Variants in CCDC85C observed in about 807,000 individuals in gnomAD.
CCDC85C encodes the protein coiled-coil domain containing 85C, also known as coiled-coil domain-containing protein 85C.
CCDC85C carries 18 observed loss-of-function variants against 38.3 expected under a neutral mutation model. The ratio of observed to expected loss-of-function variants is 0.47; its 90% CI spans 0.33 to 0.70. The LOEUF (loss-of-function observed/expected upper bound fraction) is 0.70. Ranked by LOEUF, CCDC85C falls within the 30% of genes least tolerant of loss-of-function variation. The probability of loss-of-function intolerance (pLI) is 0.03; values close to 1 mark genes in which losing one functional copy is unlikely to be tolerated. For synonymous variants in CCDC85C, 264 were observed against 293.8 expected, an observed-to-expected ratio of 0.90 and a Z score of 1.04; for missense variants, 566 against 621.2, an observed-to-expected ratio of 0.91 and a Z score of 0.94.
chr14:99,526,566 TCC>T (rs1897388620), intron 2 of CCDC85C, among the ~76,000 whole-genome samples: 2 of 151,860 alleles, frequency 1.3e-5, no homozygotes, highest in South Asian at 2.1e-4. Context: ...GACCACCCCG[TCC>T]CCAAGACCTG....
chr14:99,500,578 G>T lies in CCDC85C; in HGVS notation c.*14668C>A. The T allele has an allele frequency of 1.8e-6, 1 of 555,146 alleles. No individual in the cohort carries two copies. Among genetic ancestry groups the T allele is most frequent in the Non-Finnish European group, 3.2e-6 (1 of 314,620 alleles). 34.4% of individuals were successfully genotyped at this position (555,146 alleles called of 1,614,324 possible). ...ACACCTCTGCTTTGTCTTCCTGTTT[G>T]AGATCTTTTCAGAATTTATCAGTGT... On this transcript the variant is annotated 3_prime_UTR_variant, in exon 6 of 6. Coordinates refer to ENST00000380243, the MANE Select transcript of CCDC85C (RefSeq NM_001144995.2).
chr14:99,591,570 G>C (rs1043135437), intron 1 of CCDC85C, among the ~76,000 whole-genome samples: 1 of 128,712 alleles, frequency 7.8e-6, no homozygotes, highest in African/African-American at 3.8e-5. Flanking sequence ...AGGCAGGACG[G>C]GGGGGCCACC....
Position 99,508,826 on chromosome 14 carries a change from TGGA to T in CCDC85C, c.*6417_*6419del, listed in dbSNP as rs1336966874. 6.6e-6 allele frequency: 1 copy of T among 152,518 alleles called. No individual in the cohort carries two copies. The highest frequency in any genetic ancestry group is 1.5e-5 in the Non-Finnish European group (1 of 68,344). 9.4% of individuals were successfully genotyped at this position (152,518 alleles called of 1,614,324 possible). On this transcript the variant is annotated 3_prime_UTR_variant, in exon 6 of 6. Coordinates refer to ENST00000380243, the MANE Select transcript of CCDC85C (RefSeq NM_001144995.2). ...GTTGGAAAAGTTGATTTCTGCAAGG[TGGA>T]GGAGCAGGCCTGTGGGCCCAGGTGG...
Position 99,504,217 on chromosome 14 carries a change from G to T in CCDC85C, c.*11029C>A, listed in dbSNP as rs1468054814. The T allele has an allele frequency of 1.4e-5, 3 of 214,608 alleles. No homozygotes were observed. The highest frequency in any genetic ancestry group is 1.3e-4 in the South Asian group (3 of 22,330). 13.3% of individuals were successfully genotyped at this position (214,608 alleles called of 1,614,324 possible). A position where few individuals can be genotyped will look rare whatever the true frequency, so the allele number is the denominator to read the frequency against. On this transcript the variant is annotated 3_prime_UTR_variant, in exon 6 of 6. Coordinates refer to ENST00000380243, the MANE Select transcript of CCDC85C (RefSeq NM_001144995.2). ...CAAAACAGAAAGTTAGAAATGTTTT[G>T]TCACAGGGTCAGTCCACCTATCATA... is the stretch of plus-strand genomic sequence containing the variant.
chr14:99,585,228 G>T (rs1199027771), intron 1 of CCDC85C, among the ~76,000 whole-genome samples: 1 of 152,196 alleles, frequency 6.6e-6, no homozygotes, highest in African/African-American at 2.4e-5. Flanking sequence ...AGACTCTCTG[G>T]GTGCTGGGGT....
At chr14:99,517,378 C>G (rs917362560) in intron 3 of CCDC85C, among the ~76,000 whole-genome samples, 195 bp from the exon 4 acceptor site, 1 of 152,148 alleles carries the variant, frequency 6.6e-6, no homozygotes, top group Non-Finnish European at 1.5e-5. Flanking sequence ...TCCCGCCCAC[C>G]AGGTCTTCTG....
At chr14:99,519,099 C>CTTTTTTTTTTTTTTTTTT (rs59524541) in intron 3 of CCDC85C, among the ~76,000 whole-genome samples, 1 of 52,218 alleles carries the variant, frequency 1.9e-5, no homozygotes, top group African/African-American at 8.3e-5. Flanking sequence ...TCATACATGC[C>CTTTTTTTTTTTTTTTTTT]TTTTTTTTTT....
chr14:99,527,396 A>G (rs1897405921), intron 2 of CCDC85C, among the ~76,000 whole-genome samples: 1 of 151,940 alleles, frequency 6.6e-6, no homozygotes. Context: ...GGGGTGGAAG[A>G]CCCCCGGAGG....
Position 99,520,823 on chromosome 14 carries a change from G to A in CCDC85C, c.975+1310C>T, listed in dbSNP as rs1023620826. 2.6e-5 allele frequency among the ~76,000 whole-genome samples: 4 copies of A among 152,228 alleles called. No homozygotes were observed. ...AGTAGGGGACACCCCTTCATGCACA[G>A]AGCAGTCTAGAGGAAAAAAGGAGGC... On this transcript the variant is annotated intron_variant, in intron 3 of 5. Transcript: ENST00000380243. The surrounding 1 kb of genome is among the most constrained non-coding windows in gnomAD (Gnocchi z 4.1).
At chr14:99,532,214 C>A (rs1021206481) in intron 2 of CCDC85C, among the ~76,000 whole-genome samples, 1 of 152,234 alleles carries the variant, frequency 6.6e-6, no homozygotes, top group Admixed American at 6.5e-5. Context: ...GAGCTCAGGG[C>A]AAGCACCAGG....
intron 1 of CCDC85C, among the ~76,000 whole-genome samples, chr14:99,591,608 A>G (rs8009472): frequency 0.98 from 149,733 of 152,306 alleles, 73,657 homozygotes; most frequent in Middle Eastern, 1. Context: ...CCTTCTGCAC[A>G]GCAAGTGGTC....
rs1896956212 is a variant in CCDC85C at position 99,505,685 on chromosome 14, A to G, written c.*9561T>C. 1 of 152,104 alleles carries G rather than the reference A, an allele frequency of 6.6e-6. No individual in the cohort carries two copies. The highest frequency in any genetic ancestry group is 6.5e-5 in the Admixed American group (1 of 15,268). 9.4% of individuals were successfully genotyped at this position (152,104 alleles called of 1,614,324 possible). A position where few individuals can be genotyped will look rare whatever the true frequency, so the allele number is the denominator to read the frequency against. ...AGACTGGGCCACATAGGGTGACCCC[A>G]TCACTACACAAAACTTAAAAATCAG... On this transcript the variant is annotated 3_prime_UTR_variant, in exon 6 of 6. Coordinates refer to ENST00000380243, the MANE Select transcript of CCDC85C (RefSeq NM_001144995.2).
chr14:99,535,342 C>A lies in CCDC85C; in HGVS notation c.867+673G>T, dbSNP rs1897574485. Reference sequence around the variant, plus strand: ...GCGAGCGGCTTGAGAGGTCGCCAAGCCAGCTGGCCCCCAACACCCAAGCGT... The same window carrying A: ...GCGAGCGGCTTGAGAGGTCGCCAAGACAGCTGGCCCCCAACACCCAAGCGT... On this transcript the variant is annotated intron_variant, in intron 2 of 5. Transcript: ENST00000380243. The surrounding 1 kb of genome is among the most constrained non-coding windows in gnomAD (Gnocchi z 5.5). Among the ~76,000 whole-genome samples the A allele has an allele frequency of 6.6e-6, 1 of 152,164 alleles. No homozygotes were observed. Among genetic ancestry groups the A allele is most frequent in the South Asian group, 2.1e-4 (1 of 4,834 alleles).
At position 99,511,012 on chromosome 14, in the gene CCDC85C, A is replaced by C. The variant is rs1211655638; in HGVS notation, c.*4234T>G. The stretch of plus-strand genomic sequence containing the variant: ...GTGCCCTTGCAGTCTGACTGTGTAC[A>C]CTTGGTTCAGCTAATGTCTGAGAGT... On this transcript the variant is annotated 3_prime_UTR_variant, in exon 6 of 6. Transcript: ENST00000380243. 2 of 367,220 alleles carry C rather than the reference A, an allele frequency of 5.4e-6. No homozygotes were observed. The highest frequency in any genetic ancestry group is 1.4e-4 in the South Asian group (1 of 7,306). 22.7% of individuals were successfully genotyped at this position (367,220 alleles called of 1,614,324 possible). A position where few individuals can be genotyped will look rare whatever the true frequency, so the allele number is the denominator to read the frequency against.
At position 99,544,733 on chromosome 14, in the gene CCDC85C, A is replaced by T. The variant is rs1897775974; in HGVS notation, c.794-8645T>A. ...CCGAGACCTCGCCTCCAAGGGCACC[A>T]GATAAGCGCCCAGCCCCAGATGTGA... On this transcript the variant is annotated intron_variant, in intron 1 of 5. Transcript: ENST00000380243. This position sits in a 1 kb window ranked among gnomAD's most constrained non-coding sequence, Gnocchi z 5.3. Among the ~76,000 whole-genome samples, 1 of 152,028 alleles carries T rather than the reference A, an allele frequency of 6.6e-6. No homozygotes were observed. The highest frequency in any genetic ancestry group is 1.5e-5 in the Non-Finnish European group (1 of 68,004).
intron 5 of CCDC85C, among the ~76,000 whole-genome samples, chr14:99,515,900 G>A (rs751535623): frequency 2.0e-5 from 3 of 151,896 alleles, no homozygotes; most frequent in East Asian, 1.9e-4. Flanking sequence ...AACCAGTCCC[G>A]GGGGGGTGGG....
chr14:99,540,335 C>T (rs1212936821), intron 1 of CCDC85C, among the ~76,000 whole-genome samples: 1 of 152,156 alleles, frequency 6.6e-6, no homozygotes, highest in Non-Finnish European at 1.5e-5. Flanking sequence ...CAGGAGCAGG[C>T]ACTCTTCAGA....
intron 1 of CCDC85C, among the ~76,000 whole-genome samples, chr14:99,562,354 C>A (rs1312599533): frequency 6.6e-6 from 1 of 152,226 alleles, no homozygotes; most frequent in Admixed American, 6.5e-5. Context: ...TCTACCTCCA[C>A]AAGCCCTAAC....
At chr14:99,602,545 G>T (rs930976815) in intron 1 of CCDC85C, among the ~76,000 whole-genome samples, 2 of 152,222 alleles carry the variant, frequency 1.3e-5, no homozygotes, top group Non-Finnish European at 2.9e-5. Context: ...TCTCCCTCGG[G>T]AAAGTCTTAG....
Sources: gnomAD v4.1 joint callset for allele counts (sites outside exome capture counted in the v4.1 genomes callset) on GRCh38, gnomAD v4.1.1 for gene constraint, Gnocchi (gnomAD v3.1) non-coding constraint, MANE v1.5 for transcripts, NCBI Gene and HGNC (gene_info 2026-07-23, HGNC 2026-07-21) for gene names.